KCNQ1: variants seen among roughly 807,000 people sequenced by gnomAD.
The protein encoded by KCNQ1 is potassium voltage-gated channel subfamily Q member 1.
A neutral mutation model predicts 72.4 loss-of-function variants in KCNQ1; 49 were observed. That is an observed-to-expected ratio of 0.68 (90% CI 0.54 to 0.86). The LOEUF (loss-of-function observed/expected upper bound fraction) is 0.86. Ranked by LOEUF, KCNQ1 falls within the 40% of genes least tolerant of loss-of-function variation. The probability of loss-of-function intolerance (pLI) is 0.00; values close to 1 mark genes in which losing one functional copy is unlikely to be tolerated. For missense variants in KCNQ1, 790 were observed against 945.1 expected (o/e 0.84, Z 2.15); for synonymous variants, 450 against 412.6 (o/e 1.09, Z -1.10).
At position 2,691,762 on chromosome 11, in the gene KCNQ1, T is replaced by C; in HGVS notation, c.1514+29681T>C. ...GCAGGGGACATTCCACTAGGGCCAT[T>C]TGCAGGCCAGTGGCCATCCACTGCC... On this transcript the variant is annotated intron_variant, in intron 11 of 15. Coordinates refer to ENST00000155840, the MANE Select transcript of KCNQ1 (RefSeq NM_000218.3). The surrounding 1 kb of genome is among the most constrained non-coding windows in gnomAD (Gnocchi z 6.4). 2.5e-6 allele frequency: 1 copy of C among 398,598 alleles called. No individual in the cohort carries two copies. The highest frequency in any genetic ancestry group is 4.4e-6 in the Non-Finnish European group (1 of 226,134). The allele number at this position is 398,598 out of a possible 1,614,324, so 24.7% of individuals were successfully genotyped here.
chr11:2,778,381 G>A (rs530286268), intron 15 of KCNQ1, among the ~76,000 whole-genome samples: 1 of 152,374 alleles, frequency 6.6e-6, no homozygotes, highest in South Asian at 2.1e-4. Context: ...TGTGTCCTGA[G>A]TGGAGGGTGG....
Position 2,471,686 on chromosome 11 carries a change from GGGTGTGCATGTGTGTATA to G in KCNQ1, c.386+26209_386+26226del, listed in dbSNP as rs778675807. Among the ~76,000 whole-genome samples the G allele has an allele frequency of 4.1e-4, 62 of 151,860 alleles. No homozygotes were observed. Among genetic ancestry groups the G allele is most frequent in the Middle Eastern group, 6.8e-3 (2 of 292 alleles). ...TGTGCATGGGTGTGCACATGTGTATGGGTGTGCATGTGTGTATAGGTGTGTGTATGTGTGCATGGGCGT... is the reference window on the plus strand; with the variant it reads ...TGTGCATGGGTGTGCACATGTGTATGGGTGTGTGTATGTGTGCATGGGCGT... On this transcript the variant is annotated intron_variant, in intron 1 of 15. Transcript: ENST00000155840. This position sits in a 1 kb window ranked among gnomAD's most constrained non-coding sequence, Gnocchi z 4.8.
chr11:2,533,510 C>T (rs953153103), intron 2 of KCNQ1, among the ~76,000 whole-genome samples: 6 of 152,236 alleles, frequency 3.9e-5, no homozygotes, highest in Admixed American at 3.9e-4. Flanking sequence ...ATGTGCACGT[C>T]TGTGTACCCA....
intron 15 of KCNQ1, among the ~76,000 whole-genome samples, chr11:2,788,452 C>T (rs1374010055): frequency 6.6e-6 from 1 of 152,184 alleles, no homozygotes; most frequent in Non-Finnish European, 1.5e-5. Flanking sequence ...CACCTTGCCA[C>T]TGAAGGGCTG....
In KCNQ1 at chr11:2,645,654, G is replaced by A. The variant is rs1282247893; in HGVS notation, c.1394-16307G>A. On this transcript the variant is annotated intron_variant, in intron 10 of 15. Coordinates refer to ENST00000155840, the MANE Select transcript of KCNQ1 (RefSeq NM_000218.3). This position sits in a 1 kb window ranked among gnomAD's most constrained non-coding sequence, Gnocchi z 5.8. ...TCCTCATGGCAGCCTTGCTTCGGAGGTAGCAGAGTATTGCCAATGGCTCAT... is the reference window on the plus strand; with the variant it reads ...TCCTCATGGCAGCCTTGCTTCGGAGATAGCAGAGTATTGCCAATGGCTCAT... 5.0e-6 allele frequency: 2 copies of A among 398,776 alleles called. No individual in the cohort carries two copies. Among genetic ancestry groups the A allele is most frequent in the Non-Finnish European group, 4.4e-6 (1 of 226,176 alleles). 24.7% of individuals were successfully genotyped at this position (398,776 alleles called of 1,614,324 possible).
intron 1 of KCNQ1, among the ~76,000 whole-genome samples, chr11:2,506,302 A>G (rs1277894310): frequency 3.3e-5 from 5 of 152,228 alleles, no homozygotes. Context: ...TGTCGAAAAG[A>G]CTATACGTGA....
In KCNQ1 at chr11:2,782,381, T is replaced by C. The variant is rs1306649245; in HGVS notation, c.1794+4344T>C. ...CAGAATTTTTGTGCCAGTATTTATGTGTGAGATACATACATGACATAATTT... is the reference window on the plus strand; with the variant it reads ...CAGAATTTTTGTGCCAGTATTTATGCGTGAGATACATACATGACATAATTT... On this transcript the variant is annotated intron_variant, in intron 15 of 15. Coordinates refer to ENST00000155840, the MANE Select transcript of KCNQ1 (RefSeq NM_000218.3). This position sits in a 1 kb window ranked among gnomAD's most constrained non-coding sequence, Gnocchi z 6.1. Among the ~76,000 whole-genome samples the C allele has an allele frequency of 1.3e-5, 2 of 152,256 alleles. No individual in the cohort carries two copies. The highest frequency in any genetic ancestry group is 2.9e-5 in the Non-Finnish European group (2 of 68,044).
Position 2,582,594 on chromosome 11 carries a change from C to T in KCNQ1, c.922-841C>T, listed in dbSNP as rs556857070. On this transcript the variant is annotated intron_variant, in intron 6 of 15. Coordinates refer to ENST00000155840, the MANE Select transcript of KCNQ1 (RefSeq NM_000218.3). ...CCAGAGCAGGGCTGCAAAGACCTCC[C>T]GCAGCCACAGCCATGGTCTGGGCCA... is the stretch of plus-strand genomic sequence containing the variant. Among the ~76,000 whole-genome samples, 42 of 152,332 alleles carry T rather than the reference C, an allele frequency of 2.8e-4. No homozygotes were observed. The Middle Eastern group carries it at 0.01, about 37-fold the overall frequency.
In KCNQ1 at chr11:2,536,820, G is replaced by C. The variant is rs557722992; in HGVS notation, c.477+8802G>C. 2.5e-4 allele frequency among the ~76,000 whole-genome samples: 38 copies of C among 152,204 alleles called. No individual in the cohort carries two copies. The highest frequency in any genetic ancestry group is 9.2e-4 in the African/African-American group (38 of 41,462). On this transcript the variant is annotated intron_variant, in intron 2 of 15. Transcript: ENST00000155840. This position sits in a 1 kb window ranked among gnomAD's most constrained non-coding sequence, Gnocchi z 7.4. ...AGGTCGCCCTCTCACAGCTCTGGAC[G>C]ATGGAGGGCCGAGACCCAGGTGTGG... is the stretch of plus-strand genomic sequence containing the variant.
At position 2,827,376 on chromosome 11, in the gene KCNQ1, C is replaced by T. The variant is rs570132906; in HGVS notation, c.1795-20391C>T. On this transcript the variant is annotated intron_variant, in intron 15 of 15. Transcript: ENST00000155840. The surrounding 1 kb of genome is among the most constrained non-coding windows in gnomAD (Gnocchi z 6.7). Reference sequence around the variant, plus strand: ...CTGTCCACAATCCAGTGCTTCTGTCCTATGGTCCCCAGCGGCTGCTCCTGC... The same window carrying T: ...CTGTCCACAATCCAGTGCTTCTGTCTTATGGTCCCCAGCGGCTGCTCCTGC... Among the ~76,000 whole-genome samples the T allele has an allele frequency of 1.3e-5, 2 of 152,308 alleles. No individual in the cohort carries two copies. The highest frequency in any genetic ancestry group is 1.9e-4 in the East Asian group (1 of 5,184).
At position 2,721,150 on chromosome 11, in the gene KCNQ1, A is replaced by G. The variant is rs184784305; in HGVS notation, c.1515-47694A>G. On this transcript the variant is annotated intron_variant, in intron 11 of 15. Coordinates refer to ENST00000155840, the MANE Select transcript of KCNQ1 (RefSeq NM_000218.3). ...TTTCCATTCTGGACGCCGGGGGGAC[A>G]TGTTGCTGGGGCCAGACCAACTCCA... 4.2e-3 allele frequency among the ~76,000 whole-genome samples: 639 copies of G among 152,238 alleles called. 2 individuals carry two copies. Among genetic ancestry groups the G allele is most frequent in the Non-Finnish European group, 7.7e-3 (523 of 68,002 alleles).
chr11:2,620,199 G>GTATATA lies in KCNQ1; in HGVS notation c.1393+31353_1393+31358dup, dbSNP rs140322945. On this transcript the variant is annotated intron_variant, in intron 10 of 15. Transcript: ENST00000155840. This position sits in a 1 kb window ranked among gnomAD's most constrained non-coding sequence, Gnocchi z 4.5. The stretch of plus-strand genomic sequence containing the variant: ...CTGCAAAGGACGTAAGTTCATTCAT[G>GTATATA]TATATATATATATTTTTTTTTTTTA... The GTATATA allele has an allele frequency of 0.026, 7,634 of 294,790 alleles. 109 individuals are homozygous for GTATATA. Among genetic ancestry groups the GTATATA allele is most frequent in the South Asian group, 0.089 (503 of 5,680 alleles). 18.3% of individuals were successfully genotyped at this position (294,790 alleles called of 1,614,324 possible).
intron 10 of KCNQ1, chr11:2,634,955 T>C (rs1416205233): frequency 7.2e-5 from 11 of 152,350 alleles, no homozygotes; most frequent in Admixed American, 1.3e-4. Flanking sequence ...TTTTTTCATG[T>C]GTCTTTTGGC....
intron 15 of KCNQ1, among the ~76,000 whole-genome samples, chr11:2,825,440 G>T (rs189794481): frequency 1.3e-5 from 2 of 152,140 alleles, no homozygotes; most frequent in Non-Finnish European, 2.9e-5. Flanking sequence ...CACCACGCGG[G>T]GGGGTAGGGG....
In KCNQ1 at chr11:2,759,629, C is replaced by G. The variant is rs1175097411; in HGVS notation, c.1515-9215C>G. 6.6e-6 allele frequency among the ~76,000 whole-genome samples: 1 copy of G among 152,204 alleles called. No homozygotes were observed. Among genetic ancestry groups the G allele is most frequent in the Non-Finnish European group, 1.5e-5 (1 of 68,034 alleles). On this transcript the variant is annotated intron_variant, in intron 11 of 15. Coordinates refer to ENST00000155840, the MANE Select transcript of KCNQ1 (RefSeq NM_000218.3). This position sits in a 1 kb window ranked among gnomAD's most constrained non-coding sequence, Gnocchi z 4.4. ...TTATTTCCTTATTTTCTTTCCATCT[C>G]CACTCCCAGGCAAAGCTGATAAATT...
intron 1 of KCNQ1, among the ~76,000 whole-genome samples, chr11:2,505,055 A>ATT (rs113518709): frequency 7.0e-5 from 10 of 143,064 alleles, no homozygotes; most frequent in Non-Finnish European, 6.2e-5. Flanking sequence ...TTCCCTTCTG[A>ATT]TTTTTTTTTT....
intron 1 of KCNQ1, among the ~76,000 whole-genome samples, chr11:2,512,307 C>T (rs1481817385): frequency 6.6e-6 from 1 of 152,214 alleles, no homozygotes; most frequent in Middle Eastern, 3.2e-3. Flanking sequence ...CCTCTGCATC[C>T]TCCCCGTCGA....
intron 1 of KCNQ1, among the ~76,000 whole-genome samples, chr11:2,452,069 G>A (rs1846125828): frequency 6.6e-6 from 1 of 152,218 alleles, no homozygotes; most frequent in South Asian, 2.1e-4. Context: ...CTGGCAGCGG[G>A]TGAGCTACGG....
At position 2,543,645 on chromosome 11, in the gene KCNQ1, G is replaced by A. The variant is rs901378007; in HGVS notation, c.477+15627G>A. On this transcript the variant is annotated intron_variant, in intron 2 of 15. Coordinates refer to ENST00000155840, the MANE Select transcript of KCNQ1 (RefSeq NM_000218.3). This position sits in a 1 kb window ranked among gnomAD's most constrained non-coding sequence, Gnocchi z 5.6. ...AATATAGCTTTTTCCTTTTAAATATGTTTCATGCTTTTCACATTCTATTTA... is the reference window on the plus strand; with the variant it reads ...AATATAGCTTTTTCCTTTTAAATATATTTCATGCTTTTCACATTCTATTTA... Among the ~76,000 whole-genome samples, 6 of 152,222 alleles carry A rather than the reference G, an allele frequency of 3.9e-5. No homozygotes were observed. The highest frequency in any genetic ancestry group is 2.1e-4 in the South Asian group (1 of 4,814).
Sources: gnomAD v4.1 joint callset for allele counts (sites outside exome capture counted in the v4.1 genomes callset) on GRCh38, gnomAD v4.1.1 for gene constraint, Gnocchi (gnomAD v3.1) non-coding constraint, MANE v1.5 for transcripts, NCBI Gene and HGNC (gene_info 2026-07-23, HGNC 2026-07-21) for gene names.